CCND1: variants seen among roughly 807,000 people sequenced by gnomAD.
CCND1 encodes cyclin D1.
In CCND1, 9 loss-of-function variants were observed where a neutral mutation model predicts 26.1. The ratio of observed to expected loss-of-function variants is 0.35; its 90% CI spans 0.21 to 0.60. CCND1 has a LOEUF of 0.60. CCND1 is among the 20% of genes least tolerant of loss of function. The pLI is 0.79. For synonymous variants in CCND1, 194 were observed against 166.1 expected, an observed-to-expected ratio of 1.17 and a Z score of -1.29; for missense variants, 335 against 392.9, an observed-to-expected ratio of 0.85 and a Z score of 1.25.
rs1405093708 is a variant in CCND1 at position 69,643,712 on chromosome 11, C to G, written c.415-120C>G. ...CTCCAACATCCAGGACCGCACGAGACGCAGGGGCCAGTGCTCTGAGCCGGA... is the reference window on the plus strand; with the variant it reads ...CTCCAACATCCAGGACCGCACGAGAGGCAGGGGCCAGTGCTCTGAGCCGGA... On this transcript the variant is annotated intron_variant, in intron 2 of 4. Coordinates refer to ENST00000227507, the MANE Select transcript of CCND1 (RefSeq NM_053056.3). 4 of 900,520 alleles carry G rather than the reference C, an allele frequency of 4.4e-6. No individual in the cohort carries two copies. The East Asian group carries it at 1.1e-4, about 24-fold the overall frequency. The allele number at this position is 900,520 out of a possible 1,614,324, so 55.8% of individuals were successfully genotyped here.
At chr11:69,642,154 T>A (rs1590912767) in intron 1 of CCND1, among the ~76,000 whole-genome samples, 1 of 150,516 alleles carries the variant, frequency 6.6e-6, no homozygotes, top group East Asian at 2.0e-4. Context: ...AGGGGGGGCC[T>A]TTGTTCAAGC....
chr11:69,646,353 C>G (rs1855779627), intron 3 of CCND1, among the ~76,000 whole-genome samples: 1 of 152,200 alleles, frequency 6.6e-6, no homozygotes, highest in Non-Finnish European at 1.5e-5. Flanking sequence ...GCTTTGTCTC[C>G]CCTTCAGGGT....
At position 69,654,144 on chromosome 11, in the gene CCND1, C is replaced by T. The variant is rs1029234600; in HGVS notation, c.*2862C>T. The T allele has an allele frequency of 1.0e-5, 6 of 586,114 alleles. No homozygotes were observed. The highest frequency in any genetic ancestry group is 6.7e-5 in the East Asian group (2 of 29,772). 36.3% of individuals were successfully genotyped at this position (586,114 alleles called of 1,614,324 possible). ...CACCCCGCCCCACCCCTCCAGAACA[C>T]GGCTCACGCTTACCTCAACCATCCT... is the stretch of plus-strand genomic sequence containing the variant. On this transcript the variant is annotated 3_prime_UTR_variant, in exon 5 of 5. Coordinates refer to ENST00000227507, the MANE Select transcript of CCND1 (RefSeq NM_053056.3). This position sits in a 1 kb window ranked among gnomAD's most constrained non-coding sequence, Gnocchi z 6.3.
At chr11:69,650,469 C>T (rs1478018854) in intron 4 of CCND1, among the ~76,000 whole-genome samples, 1 of 152,198 alleles carries the variant, frequency 6.6e-6, no homozygotes, top group Non-Finnish European at 1.5e-5. Flanking sequence ...CAGGAGCGTC[C>T]GTCGCACTCC....
chr11:69,642,992 G>A, intron 1 of CCND1, 39 bp from the exon 2 acceptor site: 1 of 1,460,188 alleles, frequency 6.8e-7, no homozygotes, highest in South Asian at 1.4e-5. Context: ...GGGGCGGCGC[G>A]ACCTGGCGGC....
rs2120081842 is a variant in CCND1 at position 69,641,509 on chromosome 11, G to C, written c.196G>C (p.Glu66Gln). 2 of 1,612,924 alleles carry C rather than the reference G, an allele frequency of 1.2e-6. No individual in the cohort carries two copies. The highest frequency in any genetic ancestry group is 8.5e-7 in the Non-Finnish European group (1 of 1,179,876). The change falls in exon 1 of 5, where the codon GAG becomes CAG. Residue 66 changes from glutamate to glutamine, a missense_variant and splice_region_variant. Coordinates refer to ENST00000227507, the MANE Select transcript of CCND1 (RefSeq NM_053056.3). Reference protein sequence around the residue: ...MRKIVATWMLEVCEEQKCEEE... With the variant: ...MRKIVATWMLQVCEEQKCEEE... ...GAAGATCGTCGCCACCTGGATGCTG[G>C]AGGTGCGGGGCTTCGGGCGGCTCTC...
Position 69,651,207 on chromosome 11 carries a change from CGAGGAGGAGGAAGAG to C in CCND1, c.825_839del (p.Glu276_Glu280del), listed in dbSNP as rs1565073775. 4 of 1,606,062 alleles carry C rather than the reference CGAGGAGGAGGAAGAG, an allele frequency of 2.5e-6. No homozygotes were observed. Among genetic ancestry groups the C allele is most frequent in the Non-Finnish European group, 3.4e-6 (4 of 1,175,568 alleles). Reference sequence around the variant, plus strand: ...AGCAGAACATGGACCCCAAGGCCGCCGAGGAGGAGGAAGAGGAGGAGGAGGAGGTGGACCTGGCTT... The same window carrying C: ...AGCAGAACATGGACCCCAAGGCCGCCGAGGAGGAGGAGGTGGACCTGGCTT... On this transcript the variant is annotated inframe_deletion, in exon 5 of 5. Transcript: ENST00000227507.
chr11:69,644,205 G>C, intron 3 of CCND1: 1 of 598,410 alleles, frequency 1.7e-6, no homozygotes, highest in Non-Finnish European at 3.0e-6. Flanking sequence ...CGGCCACCAT[G>C]CAGTACCTTG....
intron 3 of CCND1, 126 bp downstream of exon 3, chr11:69,644,117 G>A (rs1425915270): frequency 1.1e-6 from 1 of 893,104 alleles, no homozygotes; most frequent in Non-Finnish European, 1.8e-6. Flanking sequence ...TCCTGCGCTG[G>A]AGAGCGCTCT....
rs1404009591 is a variant in CCND1 at position 69,652,163 on chromosome 11, T to C, written c.*881T>C. 3 of 233,596 alleles carry C rather than the reference T, an allele frequency of 1.3e-5. No homozygotes were observed. The highest frequency in any genetic ancestry group is 2.5e-5 in the Non-Finnish European group (3 of 118,066). 14.5% of individuals were successfully genotyped at this position (233,596 alleles called of 1,614,324 possible). ...ATATATTCTATTTTTATACTCTTCC[T>C]ATTTTTGTAGTGACCTGTTTATGAG... On this transcript the variant is annotated 3_prime_UTR_variant, in exon 5 of 5. Coordinates refer to ENST00000227507, the MANE Select transcript of CCND1 (RefSeq NM_053056.3).
chr11:69,651,104 CCT>C lies in CCND1; in HGVS notation c.724-4_724-3del, dbSNP rs751867946. 1.4e-5 allele frequency: 22 copies of C among 1,608,188 alleles called. No homozygotes were observed. Among genetic ancestry groups the C allele is most frequent in the East Asian group, 6.8e-5 (3 of 44,412 alleles). On this transcript the variant is annotated splice_polypyrimidine_tract_variant and intron_variant, in intron 4 of 4. Coordinates refer to ENST00000227507, the MANE Select transcript of CCND1 (RefSeq NM_053056.3). Reference sequence around the variant, plus strand: ...ACCCCCTCTTCCCACCTCTCCCCACCCTCTCTCTCTCAGGACTGCCTCCGGGC... The same window carrying C: ...ACCCCCTCTTCCCACCTCTCCCCACCCTCTCTCTCAGGACTGCCTCCGGGC...
In CCND1 at chr11:69,641,246, G is replaced by A. The variant is rs2120078910; in HGVS notation, c.-68G>A. 2 of 1,463,884 alleles carry A rather than the reference G, an allele frequency of 1.4e-6. No individual in the cohort carries two copies. Among genetic ancestry groups the A allele is most frequent in the Non-Finnish European group, 9.5e-7 (1 of 1,057,636 alleles). The allele number at this position is 1,463,884 out of a possible 1,614,324, so 90.7% of individuals were successfully genotyped here. On this transcript the variant is annotated 5_prime_UTR_variant, in exon 1 of 5. Coordinates refer to ENST00000227507, the MANE Select transcript of CCND1 (RefSeq NM_053056.3). The stretch of plus-strand genomic sequence containing the variant: ...CGCGAGGGAGCGCGGGGCAGCAGAA[G>A]CGAGAGCCGAGCGCGGACCCAGCCA...
In CCND1 at chr11:69,654,384, G is replaced by A. The variant is rs992776664; in HGVS notation, c.*3102G>A. ...TGTGCATTTCTGGTTGCACCGCGGC[G>A]CTTCCCAGCACCAACATGTAACCGG... On this transcript the variant is annotated 3_prime_UTR_variant, in exon 5 of 5. Transcript: ENST00000227507. The surrounding 1 kb of genome is among the most constrained non-coding windows in gnomAD (Gnocchi z 6.3). 2.3e-5 allele frequency: 16 copies of A among 701,284 alleles called. No homozygotes were observed. The highest frequency in any genetic ancestry group is 2.1e-4 in the East Asian group (8 of 37,236). The allele number at this position is 701,284 out of a possible 1,614,324, so 43.4% of individuals were successfully genotyped here.
chr11:69,652,472 C>A lies in CCND1; in HGVS notation c.*1190C>A. The A allele has an allele frequency of 4.3e-6, 1 of 233,430 alleles. No homozygotes were observed. Among genetic ancestry groups the A allele is most frequent in the Non-Finnish European group, 8.5e-6 (1 of 118,030 alleles). The allele number at this position is 233,430 out of a possible 1,614,324, so 14.5% of individuals were successfully genotyped here. ...GGTGGGGTGTTTGGGAGGCTGCGTG[C>A]CAGTCAAGAAGAAAAAGGTTTGCAT... On this transcript the variant is annotated 3_prime_UTR_variant, in exon 5 of 5. Coordinates refer to ENST00000227507, the MANE Select transcript of CCND1 (RefSeq NM_053056.3).
Position 69,651,243 on chromosome 11 carries a change from G to A in CCND1, c.849G>A (p.Leu283=), listed in dbSNP as rs779686578. ...EEEEEEEEVD[L]ACTPTDVRDV... is the part of the protein sequence containing the mutation. The stretch of plus-strand genomic sequence containing the variant: ...AAGAGGAGGAGGAGGAGGTGGACCT[G>A]GCTTGCACACCCACCGACGTGCGGG... Residue 283 remains leucine, a synonymous_variant, in exon 5 of 5, where the codon CTG becomes CTA. Transcript: ENST00000227507. The A allele has an allele frequency of 6.3e-7, 1 of 1,588,716 alleles. No individual in the cohort carries two copies. The highest frequency in any genetic ancestry group is 8.6e-7 in the Non-Finnish European group (1 of 1,165,288).
rs535334547 is a variant in CCND1 at position 69,653,009 on chromosome 11, A to T, written c.*1727A>T. The T allele has an allele frequency of 1.8e-5, 8 of 441,700 alleles. No homozygotes were observed. In the South Asian group the frequency reaches 3.3e-4, roughly 18 times the overall value. The allele number at this position is 441,700 out of a possible 1,614,324, so 27.4% of individuals were successfully genotyped here. A position where few individuals can be genotyped will look rare whatever the true frequency, so the allele number is the denominator to read the frequency against. On this transcript the variant is annotated 3_prime_UTR_variant, in exon 5 of 5. Transcript: ENST00000227507. ...CTCAACCTAAGTTCGGTTCCGATGA[A>T]TTCTTATCCCCTGCCCCTTCCTTTA...
At chr11:69,641,630 T>A (rs1358220459) in intron 1 of CCND1, 119 bp downstream of exon 1, 4 of 976,184 alleles carry the variant, frequency 4.1e-6, no homozygotes, top group African/African-American at 1.6e-5. Flanking sequence ...TTTGCCGTGG[T>A]GTTTCTAGGG....
rs773470948 is a variant in CCND1 at position 69,648,130 on chromosome 11, C to T, written c.711C>T (p.Ile237=). 15 of 1,613,846 alleles carry T rather than the reference C, an allele frequency of 9.3e-6. No individual in the cohort carries two copies. The South Asian group carries it at 1.4e-4, about 15-fold the overall frequency. The change falls in exon 4 of 5, where the codon ATC becomes ATT. Residue 237 remains isoleucine (I), a synonymous_variant. Coordinates refer to ENST00000227507, the MANE Select transcript of CCND1 (RefSeq NM_053056.3). Reference sequence around the variant, plus strand: ...TCACACGCTTCCTCTCCAGAGTGATCAAGTGTGACCCGGTAAGTGAGGGTG... The same window carrying T: ...TCACACGCTTCCTCTCCAGAGTGATTAAGTGTGACCCGGTAAGTGAGGGTG... ...YRLTRFLSRV[I]KCDPDCLRAC...
intron 4 of CCND1, among the ~76,000 whole-genome samples, chr11:69,648,768 C>T (rs1444360978): frequency 2.6e-5 from 4 of 152,240 alleles, no homozygotes; most frequent in South Asian, 2.1e-4. Flanking sequence ...CCGCCGGCCC[C>T]GCGGTGTGTG....
Sources: gnomAD v4.1 joint callset for allele counts (sites outside exome capture counted in the v4.1 genomes callset) on GRCh38, gnomAD v4.1.1 for gene constraint, Gnocchi (gnomAD v3.1) non-coding constraint, MANE v1.5 for transcripts, NCBI Gene and HGNC (gene_info 2026-07-23, HGNC 2026-07-21) for gene names.